GOSR2: variants seen among roughly 807,000 people sequenced by gnomAD.
GOSR2 encodes 27 kDa Golgi SNARE protein.
In GOSR2, 20 loss-of-function variants were observed where a neutral mutation model predicts 27.9. The ratio of observed to expected loss-of-function variants is 0.72; its 90% CI spans 0.50 to 1.04. GOSR2 has a LOEUF of 1.04. Among genes scored for constraint, GOSR2 ranks in the 50% least tolerant of loss-of-function variants. The pLI is 0.00. For synonymous variants in GOSR2, 91 were observed against 98.8 expected (o/e 0.92, Z 0.47); for missense variants, 261 against 270.5 (o/e 0.97, Z 0.25).
At chr17:46,945,289 C>T (rs1489159494), downstream of GOSR2, among the ~76,000 whole-genome samples, 1 of 152,162 alleles carries the variant, frequency 6.6e-6, no homozygotes, top group East Asian at 1.9e-4. Context: ...ACTTGCTGCT[C>T]AGAGGCCTGA....
rs761272920 is a variant in GOSR2 at position 46,935,073 on chromosome 17, C to G, written c.381C>G (p.Asn127Lys). 1.2e-6 allele frequency: 2 copies of G among 1,611,568 alleles called. No individual in the cohort carries two copies. Among genetic ancestry groups the G allele is most frequent in the Non-Finnish European group, 1.7e-6 (2 of 1,177,614 alleles). ...TIPMDESLQFNSSLQKVHNGM... is the reference protein window; with the variant it reads ...TIPMDESLQFKSSLQKVHNGM... ...CAATGGACGAATCACTGCAGTTTAA[C>G]TCCTCCCTCCAGAAAGTTCACAACG... The change falls in exon 5 of 6, where the codon AAC (asparagine) becomes AAG (lysine). Residue 127 changes from asparagine (N) to lysine (K), a missense_variant. Physicochemically the swap from Asn to Lys is moderately conservative, Grantham distance 94. Transcript: ENST00000640051.
intron 5 of GOSR2, chr17:46,937,123 G>A (rs2088528464): frequency 6.6e-6 from 1 of 152,276 alleles, no homozygotes; most frequent in Admixed American, 6.5e-5. Flanking sequence ...AAATTAGAAA[G>A]CAGTAGGGAA....
rs1400975210 is a variant in GOSR2 at position 46,931,388 on chromosome 17, T to C, written c.203+181T>C. On this transcript the variant is annotated intron_variant, in intron 3 of 5. Coordinates refer to ENST00000640051, the MANE Select transcript of GOSR2 (RefSeq NM_004287.5). ...TCTGAGTGATGCCGCTCAAAATAAA[T>C]AGCCTGTGAGGTTTGTGACTCAGAA... 4 of 622,840 alleles carry C rather than the reference T, an allele frequency of 6.4e-6. No homozygotes were observed. The Admixed American group carries it at 1.2e-4, about 18-fold the overall frequency. 38.6% of individuals were successfully genotyped at this position (622,840 alleles called of 1,614,324 possible).
Position 46,940,382 on chromosome 17 carries a change from T to G in GOSR2, c.*1622T>G, listed in dbSNP as rs1599069911. 2 of 1,524,510 alleles carry G rather than the reference T, an allele frequency of 1.3e-6. No individual in the cohort carries two copies. The highest frequency in any genetic ancestry group is 2.4e-5 in the East Asian group (1 of 41,792). 94.4% of individuals were successfully genotyped at this position (1,524,510 alleles called of 1,614,324 possible). On this transcript the variant is annotated 3_prime_UTR_variant, in exon 6 of 6. Transcript: ENST00000640051. ...CAGAGTTAAAGCAGTGACTGGAGGG[T>G]GGACTGGGGGGTTGCAGCATCTTTA...
chr17:46,931,870 A>G (rs2087444000), intron 3 of GOSR2, 197 bp from the exon 4 acceptor site: 1 of 621,380 alleles, frequency 1.6e-6, no homozygotes, highest in Admixed American at 2.6e-5. Context: ...GTGTGCTACC[A>G]TCTCACTTTA....
intron 6 of GOSR2, chr17:46,964,703 G>C (rs1170984531): frequency 6.6e-6 from 1 of 152,298 alleles, no homozygotes; most frequent in African/African-American, 2.4e-5. Context: ...GCCAGAGATG[G>C]GAGCTGACAG....
chr17:46,938,627 C>T lies in GOSR2; in HGVS notation c.506C>T (p.Ala169Val), dbSNP rs2088814830. The T allele has an allele frequency of 6.2e-7, 1 of 1,613,902 alleles. No individual in the cohort carries two copies. Among genetic ancestry groups the T allele is most frequent in the South Asian group, 1.1e-5 (1 of 91,090 alleles). ...KGTQKKILDI[A>V]NMLGLSNTVM... The stretch of plus-strand genomic sequence containing the variant: ...ACTCAGAAGAAGATCCTTGACATTG[C>T]CAACATGCTGGGCTTGTCCAACACA... The change falls in exon 6 of 6, where the codon GCC becomes GTC. Residue 169 changes from alanine to valine, a missense_variant. By Grantham distance (64) the Ala-to-Val change is moderately conservative (BLOSUM62 0). Coordinates refer to ENST00000640051, the MANE Select transcript of GOSR2 (RefSeq NM_004287.5).
chr17:46,966,454 C>A, intron 6 of GOSR2: 1 of 611,010 alleles, frequency 1.6e-6, no homozygotes, highest in East Asian at 2.9e-5. Context: ...CTTAAGCAAT[C>A]CTCCCATCTC....
chr17:46,975,005 T>G (rs200629902), intron 6 of GOSR2, among the ~76,000 whole-genome samples: 2 of 99,600 alleles, frequency 2.0e-5, no homozygotes, highest in South Asian at 6.7e-4. Context: ...TTTTTTTTTT[T>G]TTTTTTTTAT....
At chr17:46,949,798 C>T (rs2090191850) in intron 6 of GOSR2, among the ~76,000 whole-genome samples, 1 of 152,138 alleles carries the variant, frequency 6.6e-6, no homozygotes, top group Admixed American at 6.5e-5. Flanking sequence ...CAGAGGGAGT[C>T]ATCTAGCAAA....
downstream of GOSR2, among the ~76,000 whole-genome samples, chr17:46,970,290 C>A (rs945581527): frequency 6.6e-6 from 1 of 152,062 alleles, no homozygotes; most frequent in Non-Finnish European, 1.5e-5. Flanking sequence ...CCTGTAATCC[C>A]AGCACTTTGG....
chr17:46,936,240 C>T, intron 5 of GOSR2: 1 of 985,430 alleles, frequency 1.0e-6, no homozygotes, highest in Non-Finnish European at 1.2e-6. Flanking sequence ...AAAACTGCTA[C>T]TCTCCTTTTC....
At position 46,938,966 on chromosome 17, in the gene GOSR2, C is replaced by T. The variant is rs1048723073; in HGVS notation, c.*206C>T. The T allele has an allele frequency of 1.5e-5, 22 of 1,448,568 alleles. No homozygotes were observed. The highest frequency in any genetic ancestry group is 9.2e-5 in the South Asian group (7 of 76,006). The allele number at this position is 1,448,568 out of a possible 1,614,324, so 89.7% of individuals were successfully genotyped here. On this transcript the variant is annotated 3_prime_UTR_variant, in exon 6 of 6. Transcript: ENST00000640051. ...GGGGAGCTAGTGCCACCACCATGCG[C>T]GGTGCTTAGGAAATGAAAGAAGTCC... is the stretch of plus-strand genomic sequence containing the variant.
chr17:46,959,548 G>GA (rs139479971), intron 6 of GOSR2, among the ~76,000 whole-genome samples: 4,715 of 151,910 alleles, frequency 0.031, 133 homozygotes, highest in African/African-American at 0.075. Flanking sequence ...AGGTTTTTGG[G>GA]AAAAAAACAC....
Position 46,940,147 on chromosome 17 carries a change from A to G in GOSR2, c.*1387A>G. 1 of 1,299,316 alleles carries G rather than the reference A, an allele frequency of 7.7e-7. No individual in the cohort carries two copies. The highest frequency in any genetic ancestry group is 3.3e-5 in the East Asian group (1 of 30,132). The allele number at this position is 1,299,316 out of a possible 1,614,324, so 80.5% of individuals were successfully genotyped here. A position where few individuals can be genotyped will look rare whatever the true frequency, so the allele number is the denominator to read the frequency against. On this transcript the variant is annotated 3_prime_UTR_variant, in exon 6 of 6. Transcript: ENST00000640051. ...CTTGTTCCCCTCCCCGCTGCTCTGTAGTCATGTTGGTCCTTTCAGGCACCT... is the reference window on the plus strand; with the variant it reads ...CTTGTTCCCCTCCCCGCTGCTCTGTGGTCATGTTGGTCCTTTCAGGCACCT...
chr17:46,939,400 T>G lies in GOSR2; in HGVS notation c.*640T>G. The G allele has an allele frequency of 3.0e-6, 3 of 995,388 alleles. No homozygotes were observed. The highest frequency in any genetic ancestry group is 3.6e-6 in the Non-Finnish European group (3 of 834,604). The allele number at this position is 995,388 out of a possible 1,614,324, so 61.7% of individuals were successfully genotyped here. A position where few individuals can be genotyped will look rare whatever the true frequency, so the allele number is the denominator to read the frequency against. ...ATTTTCCACACTACAGCTGGGTGTT[T>G]CTCTTTTCTAAAGTGAGGCCAGTGT... On this transcript the variant is annotated 3_prime_UTR_variant, in exon 6 of 6. Transcript: ENST00000640051.
chr17:46,953,127 A>G lies in GOSR2; in HGVS notation c.584-13407A>G, dbSNP rs552557313. Among the ~76,000 whole-genome samples, 6 of 152,080 alleles carry G rather than the reference A, an allele frequency of 3.9e-5. No individual in the cohort carries two copies. The East Asian group carries it at 5.8e-4, about 15-fold the overall frequency. Reference sequence around the variant, plus strand: ...TTTGTTACATATGTATACATGTGCCATGTTGGTGTGCTGCACCCATTAACT... The same window carrying G: ...TTTGTTACATATGTATACATGTGCCGTGTTGGTGTGCTGCACCCATTAACT... On this transcript the variant is annotated intron_variant, in intron 6 of 6. Transcript: ENST00000573224.
At position 46,974,500 on chromosome 17, in the gene GOSR2, C is replaced by T. The variant is rs528339957; in HGVS notation, c.616-699C>T. On this transcript the variant is annotated intron_variant, in intron 6 of 6. Coordinates refer to the GOSR2 transcript ENST00000640723. Reference sequence around the variant, plus strand: ...CTGTAATCCCAGCACTTTGGGAGGCCGAGGCGGGTGGATCACAAGGTCAGG... The same window carrying T: ...CTGTAATCCCAGCACTTTGGGAGGCTGAGGCGGGTGGATCACAAGGTCAGG... Among the ~76,000 whole-genome samples, 196 of 152,206 alleles carry T rather than the reference C, an allele frequency of 1.3e-3. 2 individuals are homozygous for T. The highest frequency in any genetic ancestry group is 6.8e-3 in the Middle Eastern group (2 of 294).
rs187870240 is a variant in GOSR2, at chr17:46,962,189, C to T, written c.584-4345C>T. Among the ~76,000 whole-genome samples the T allele has an allele frequency of 6.4e-4, 98 of 151,946 alleles. 1 individual carries two copies. The highest frequency in any genetic ancestry group is 1.9e-3 in the Admixed American group (29 of 15,264). On this transcript the variant is annotated intron_variant, in intron 6 of 6. Transcript: ENST00000573224. ...AAAAATACATAAAAAATTAGCCGGG[C>T]GTGATGGCATGCGCCTGTAATCCTA...
Sources: allele counts gnomAD v4.1 joint callset (sites outside exome capture counted in the v4.1 genomes callset), GRCh38; gene constraint gnomAD v4.1.1; transcripts MANE v1.5; gene names NCBI Gene and HGNC (gene_info 2026-07-23, HGNC 2026-07-21).